Variants in ELMO1 observed in about 807,000 individuals in gnomAD.
ELMO1 encodes engulfment and cell motility 1.
In ELMO1, 26 loss-of-function variants were observed where a neutral mutation model predicts 98.9. That is an observed-to-expected ratio of 0.26 (90% CI 0.19 to 0.36). The LOEUF (loss-of-function observed/expected upper bound fraction) is 0.36. Among genes scored for constraint, ELMO1 ranks in the 10% least tolerant of loss-of-function variants. ELMO1 has a pLI of 1.00. For synonymous variants in ELMO1, 346 were observed against 346.0 expected, an observed-to-expected ratio of 1.00 and a Z score of 0.00; for missense variants, 627 against 935.2, an observed-to-expected ratio of 0.67 and a Z score of 4.30.
intron 1 of ELMO1, among the ~76,000 whole-genome samples, chr7:37,361,255 C>T (rs533838249): frequency 2.0e-5 from 3 of 152,132 alleles, no homozygotes; most frequent in African/African-American, 2.4e-5. Flanking sequence ...GTCCATCAAT[C>T]GATGAATAAA....
intron 1 of ELMO1, among the ~76,000 whole-genome samples, chr7:37,409,101 G>A (rs922006645): frequency 2.7e-5 from 4 of 147,488 alleles, no homozygotes; most frequent in Non-Finnish European, 5.9e-5. Flanking sequence ...AAGGTGATCC[G>A]GAAGCTGACA....
At chr7:36,858,264 C>A (rs952075840) in intron 21 of ELMO1, among the ~76,000 whole-genome samples, 3 of 152,078 alleles carry the variant, frequency 2.0e-5, no homozygotes, top group Admixed American at 1.3e-4. Context: ...GGATATCAAC[C>A]TTTTGCAACC....
intron 8 of ELMO1, among the ~76,000 whole-genome samples, chr7:37,230,729 C>T (rs973972378): frequency 6.6e-6 from 1 of 152,050 alleles, no homozygotes; most frequent in African/African-American, 2.4e-5. Context: ...GAAAAGAAAG[C>T]CTGCTGTAAA....
At chr7:37,237,271 C>T (rs1794517964) in intron 7 of ELMO1, among the ~76,000 whole-genome samples, 1 of 152,026 alleles carries the variant, frequency 6.6e-6, no homozygotes, top group Non-Finnish European at 1.5e-5. Flanking sequence ...AGTGGCAAGC[C>T]CGTTAATACA....
At chr7:37,268,740 T>C (rs897021629) in intron 5 of ELMO1, among the ~76,000 whole-genome samples, 6 of 152,240 alleles carry the variant, frequency 3.9e-5, no homozygotes, top group African/African-American at 1.4e-4. Context: ...CTATTACAAA[T>C]GAATTAAACA....
intron 13 of ELMO1, among the ~76,000 whole-genome samples, chr7:37,174,177 C>T (rs1464888458): frequency 1.3e-5 from 2 of 152,158 alleles, no homozygotes; most frequent in Non-Finnish European, 2.9e-5. Context: ...TGAGAGCATC[C>T]ATTCTATGCT....
At chr7:37,175,496 A>G (rs1790450809) in intron 13 of ELMO1, among the ~76,000 whole-genome samples, 1 of 152,144 alleles carries the variant, frequency 6.6e-6, no homozygotes, top group Non-Finnish European at 1.5e-5. Flanking sequence ...TCACCTTCCA[A>G]CAGGTTTCTT....
intron 13 of ELMO1, among the ~76,000 whole-genome samples, chr7:37,194,932 T>C (rs1162165131): frequency 3.9e-5 from 6 of 152,222 alleles, no homozygotes; most frequent in African/African-American, 1.4e-4. Flanking sequence ...TATTCATTCA[T>C]TCATTCAACA....
At chr7:36,882,516 G>C (rs1049939200) in intron 18 of ELMO1, among the ~76,000 whole-genome samples, 3 of 152,200 alleles carry the variant, frequency 2.0e-5, no homozygotes, top group African/African-American at 7.2e-5. Flanking sequence ...TTTGTGTTTT[G>C]ATTCTGAATT....
At chr7:37,062,207 T>C (rs1796701672) in intron 15 of ELMO1, among the ~76,000 whole-genome samples, 1 of 152,242 alleles carries the variant, frequency 6.6e-6, no homozygotes, top group African/African-American at 2.4e-5. Flanking sequence ...TCACGCTCTG[T>C]GTGTATATAG....
chr7:37,108,026 A>G (rs1785038225), intron 14 of ELMO1, among the ~76,000 whole-genome samples: 1 of 152,216 alleles, frequency 6.6e-6, no homozygotes, highest in South Asian at 2.1e-4. Flanking sequence ...AGAAAATGTT[A>G]ATTTTCTGAT....
intron 13 of ELMO1, among the ~76,000 whole-genome samples, chr7:37,157,352 A>C (rs929392819): frequency 3.3e-5 from 5 of 152,228 alleles, no homozygotes; most frequent in Non-Finnish European, 7.3e-5. Context: ...AGGCTATTCA[A>C]TTAGGAAAAG....
rs1297784713 is a variant in ELMO1 at position 37,292,938 on chromosome 7, G to A, written c.193-21056C>T. Among the ~76,000 whole-genome samples, 3 of 48,446 alleles carry A rather than the reference G, an allele frequency of 6.2e-5. 1 individual carries two copies. The highest frequency in any genetic ancestry group is 1.5e-4 in the Non-Finnish European group (3 of 20,302). 31.8% of individuals were successfully genotyped at this position (48,446 alleles called of 152,430 possible). On this transcript the variant is annotated intron_variant, in intron 4 of 21. Transcript: ENST00000310758. Reference sequence around the variant, plus strand: ...AGGTGGCGGGGTCAGTCCCCCGCCTGGCCAGCCGCCCCGTCCGGGAAGTGA... The same window carrying A: ...AGGTGGCGGGGTCAGTCCCCCGCCTAGCCAGCCGCCCCGTCCGGGAAGTGA...
chr7:36,873,927 T>G (rs755867551), intron 19 of ELMO1, among the ~76,000 whole-genome samples: 2 of 152,242 alleles, frequency 1.3e-5, no homozygotes, highest in Non-Finnish European at 2.9e-5. Flanking sequence ...CTTGAGCTCT[T>G]GCTGTGTGCA....
intron 1 of ELMO1, among the ~76,000 whole-genome samples, chr7:37,382,374 T>C (rs985111278): frequency 1.3e-5 from 2 of 152,320 alleles, no homozygotes; most frequent in Middle Eastern, 3.4e-3. Context: ...CGCTTTTTCT[T>C]GTATTATTTT....
chr7:37,123,857 TC>T, intron 14 of ELMO1, among the ~76,000 whole-genome samples: 1 of 152,218 alleles, frequency 6.6e-6, no homozygotes, highest in East Asian at 1.9e-4. Flanking sequence ...TAGACCAATA[TC>T]CTTGATGAAC....
At chr7:37,156,851 G>A (rs149180582) in intron 13 of ELMO1, among the ~76,000 whole-genome samples, 4,031 of 152,028 alleles carry the variant, frequency 0.027, 105 homozygotes, top group African/African-American at 0.072. Flanking sequence ...AAAGCCTGGT[G>A]GAGACAAAAC....
At chr7:37,157,685 C>T (rs1788888434) in intron 13 of ELMO1, among the ~76,000 whole-genome samples, 1 of 152,128 alleles carries the variant, frequency 6.6e-6, no homozygotes, top group Non-Finnish European at 1.5e-5. Context: ...ACATTCCATG[C>T]TCATGGATAG....
At chr7:36,980,923 A>T (rs1790997345) in intron 16 of ELMO1, among the ~76,000 whole-genome samples, 1 of 152,076 alleles carries the variant, frequency 6.6e-6, no homozygotes, top group Non-Finnish European at 1.5e-5. Context: ...GTTAAGTAAT[A>T]TTATCAAAAG....
Sources: allele counts gnomAD v4.1 joint callset (sites outside exome capture counted in the v4.1 genomes callset), GRCh38; gene constraint gnomAD v4.1.1; transcripts MANE v1.5; gene names NCBI Gene and HGNC (gene_info 2026-07-23, HGNC 2026-07-21).